IDO2: variants seen among roughly 807,000 people sequenced by gnomAD.
IDO2 encodes indoleamine 2,3-dioxygenase 2, also known as indoleamine 2,3-dioxygenase-like 1 protein.
Under a neutral mutation model 45.1 loss-of-function variants are expected in IDO2, and 46 were observed. The ratio of observed to expected loss-of-function variants is 1.02; its 90% CI spans 0.80 to 1.30. IDO2 has a LOEUF of 1.30. IDO2 is among the 50% of genes most tolerant of loss of function. The pLI is 0.00. For missense variants in IDO2, 544 were observed against 491.8 expected, an observed-to-expected ratio of 1.11 and a Z score of -1.00; for synonymous variants, 218 against 184.9, an observed-to-expected ratio of 1.18 and a Z score of -1.45.
At chr8:39,990,064 T>C (rs1004251690) in intron 8 of IDO2, among the ~76,000 whole-genome samples, 1 of 152,212 alleles carries the variant, frequency 6.6e-6, no homozygotes, top group African/African-American at 2.4e-5. Context: ...GTGATTAAGA[T>C]GGTTTCCCTT....
Position 40,002,719 on chromosome 8 carries a change from G to A in IDO2, c.668-2608G>A, listed in dbSNP as rs544221312. On this transcript the variant is annotated intron_variant, in intron 8 of 10. Transcript: ENST00000502986. ...CGCTTGAACCTGGCAGGCGGGGGGT[G>A]CAGTGAGCCGCGATCATGCCACTGT... Among the ~76,000 whole-genome samples, 25 of 152,242 alleles carry A rather than the reference G, an allele frequency of 1.6e-4. No individual in the cohort carries two copies. The East Asian group carries it at 4.8e-3, about 29-fold the overall frequency.
At chr8:39,967,608 T>C (rs1393856598) in intron 3 of IDO2, among the ~76,000 whole-genome samples, 2 of 152,076 alleles carry the variant, frequency 1.3e-5, no homozygotes, top group African/African-American at 2.4e-5. Context: ...CTGCCTCAGC[T>C]TCCCGAGTAG....
chr8:39,982,863 G>A (rs1156625514), intron 5 of IDO2, 93 bp downstream of exon 5: 3 of 828,522 alleles, frequency 3.6e-6, no homozygotes, highest in African/African-American at 3.5e-5. Context: ...CATATTTATG[G>A]TCTGCCGTAT....
At chr8:39,954,283 A>G (rs1807856826) in intron 2 of IDO2, among the ~76,000 whole-genome samples, 1 of 152,278 alleles carries the variant, frequency 6.6e-6, no homozygotes, top group South Asian at 2.1e-4. Context: ...TTTCTCTGAG[A>G]TGAGGACCCC....
Position 40,005,291 on chromosome 8 carries a change from C to T in IDO2, c.668-36C>T, listed in dbSNP as rs1430752068. Reference sequence around the variant, plus strand: ...CACATGTAACCAATTGCTTTCTTTGCCTGTAGTAAAGTTCACATTTTGATT... The same window carrying T: ...CACATGTAACCAATTGCTTTCTTTGTCTGTAGTAAAGTTCACATTTTGATT... On this transcript the variant is annotated intron_variant, in intron 8 of 10. Coordinates refer to ENST00000502986, the Ensembl canonical transcript of IDO2. 3 of 1,497,482 alleles carry T rather than the reference C, an allele frequency of 2.0e-6. No individual in the cohort carries two copies. In the East Asian group the frequency reaches 6.8e-5, roughly 34 times the overall value. The allele number at this position is 1,497,482 out of a possible 1,614,324, so 92.8% of individuals were successfully genotyped here.
intron 3 of IDO2, among the ~76,000 whole-genome samples, chr8:39,973,384 C>T (rs1489996119): frequency 6.6e-6 from 1 of 152,116 alleles, no homozygotes; most frequent in African/African-American, 2.4e-5. Context: ...AGCAAACCCA[C>T]TGCCCAGATA....
At chr8:39,998,366 A>T (rs1024812441) in intron 8 of IDO2, 2 of 152,180 alleles carry the variant, frequency 1.3e-5, no homozygotes, top group African/African-American at 4.8e-5. Flanking sequence ...CATTTTTTGT[A>T]TCTTCATGAC....
intron 4 of IDO2, 35 bp from the exon 5 acceptor site, chr8:39,982,617 A>G: frequency 7.3e-7 from 1 of 1,364,920 alleles, no homozygotes; most frequent in Non-Finnish European, 1.0e-6. Context: ...CAAGCTTTCT[A>G]GAATATGCTA....
intron 6 of IDO2, chr8:39,986,963 C>CCT (rs1440272556): frequency 6.6e-6 from 1 of 151,892 alleles, no homozygotes; most frequent in Non-Finnish European, 1.5e-5. Context: ...CAACCTCTTG[C>CCT]CTCAGTCTCT....
intron 8 of IDO2, chr8:39,995,088 A>G (rs1328408785): frequency 6.6e-6 from 1 of 152,172 alleles, no homozygotes. Context: ...TAACATTTCA[A>G]TTAAAAGGCA....
intron 10 of IDO2, 80 bp downstream of exon 10, chr8:40,013,793 C>T: frequency 9.8e-7 from 1 of 1,024,888 alleles, no homozygotes; most frequent in Non-Finnish European, 1.4e-6. Context: ...ATTGATAAAA[C>T]CAAATATAAA....
chr8:39,982,236 G>GTATA (rs10612525), intron 4 of IDO2, among the ~76,000 whole-genome samples: 3,970 of 139,636 alleles, frequency 0.028, 125 homozygotes, highest in African/African-American at 0.082. Flanking sequence ...ATATATGTGT[G>GTATA]TATATATATA....
exon 2 of IDO2, chr8:39,949,195 A>C: frequency 6.2e-7 from 1 of 1,609,018 alleles, no homozygotes; most frequent in East Asian, 2.2e-5. Flanking sequence ...ATGTGAAGAC[A>C]GCAGTGCCAT....
At chr8:39,938,874 A>G (rs2129592870) in intron 1 of IDO2, among the ~76,000 whole-genome samples, 1 of 152,326 alleles carries the variant, frequency 6.6e-6, no homozygotes, top group South Asian at 2.1e-4. Flanking sequence ...AAATTAAAAC[A>G]ATGAGATACC....
At chr8:39,989,789 A>G (rs1447279036) in exon 8 of IDO2, 2 of 1,605,298 alleles carry the variant, frequency 1.2e-6, no homozygotes, top group Non-Finnish European at 8.5e-7. Flanking sequence ...CCCTGCAGCG[A>G]CTGAGACTGT....
intron 3 of IDO2, among the ~76,000 whole-genome samples, chr8:39,978,206 C>G (rs377410652): frequency 6.6e-6 from 1 of 152,206 alleles, no homozygotes; most frequent in South Asian, 2.1e-4. Context: ...TCTGTGCCCA[C>G]GTGGCGGTGC....
intron 6 of IDO2, among the ~76,000 whole-genome samples, chr8:39,986,671 GAGATAGATAGATAGATAGATAGAT>G (rs56228406): frequency 7.0e-6 from 1 of 143,578 alleles, no homozygotes; most frequent in Non-Finnish European, 1.5e-5. Context: ...GTACAGCATT[GAGATAGATAGATAGATAGATAGAT>G]AGATAGATAG....
In IDO2 at chr8:39,979,196, A is replaced by G; in HGVS notation, c.315+10A>G. On this transcript the variant is annotated intron_variant, in intron 4 of 10. Coordinates refer to ENST00000502986, the Ensembl canonical transcript of IDO2. ...GGCGCAGCCTGCAGAGGTGAGGGCC[A>G]GAGAGCAGCTTCTCCTGTTACCCGG... The G allele has an allele frequency of 1.3e-6, 2 of 1,571,244 alleles. No individual in the cohort carries two copies. The highest frequency in any genetic ancestry group is 1.7e-6 in the Non-Finnish European group (2 of 1,158,220).
Position 39,989,884 on chromosome 8 carries a change from G to A in IDO2, c.667+46G>A, listed in dbSNP as rs141124444. ...CTGAAGGATCCCCCAGGGGTCCTGG[G>A]CTCTGCTTAGGGGAAGAGGGCCTGG... On this transcript the variant is annotated intron_variant, in intron 8 of 10. Coordinates refer to ENST00000502986, the Ensembl canonical transcript of IDO2. 1.2e-3 allele frequency: 1,660 copies of A among 1,336,304 alleles called. 19 individuals carry two copies. In the African/African-American group the frequency reaches 0.021, roughly 17 times the overall value. The allele number at this position is 1,336,304 out of a possible 1,614,324, so 82.8% of individuals were successfully genotyped here. A position where few individuals can be genotyped will look rare whatever the true frequency, so the allele number is the denominator to read the frequency against.
Sources: allele counts gnomAD v4.1 joint callset (sites outside exome capture counted in the v4.1 genomes callset), GRCh38; gene constraint gnomAD v4.1.1; transcripts MANE v1.5; gene names NCBI Gene and HGNC (gene_info 2026-07-23, HGNC 2026-07-21).